Variants in PTPRF observed in about 807,000 individuals in gnomAD.
PTPRF encodes receptor-type tyrosine-protein phosphatase F.
In PTPRF, 59 loss-of-function variants were observed where a neutral mutation model predicts 201.8. The ratio of observed to expected loss-of-function variants is 0.29; its 90% confidence interval spans 0.24 to 0.36. PTPRF has a LOEUF of 0.36. PTPRF is among the 10% of genes least tolerant of loss of function. PTPRF has a pLI of 1.00. For synonymous variants in PTPRF, 1,088 were observed against 1,089.7 expected, an observed-to-expected ratio of 1.00 and a Z score of 0.03; for missense variants, 2,132 against 2,690.5, an observed-to-expected ratio of 0.79 and a Z score of 4.59.
At chr1:43,607,339 C>T (rs1457737497) in intron 21 of PTPRF, among the ~76,000 whole-genome samples, 1 of 152,234 alleles carries the variant, frequency 6.6e-6, no homozygotes, top group Admixed American at 6.5e-5. Flanking sequence ...TTCCTTCTGC[C>T]ACCATTCCTG....
In PTPRF at chr1:43,622,169, G is replaced by A. The variant is rs564146178; in HGVS notation, c.*166G>A. The A allele has an allele frequency of 1.8e-5, 13 of 717,020 alleles. No individual in the cohort carries two copies. Among genetic ancestry groups the A allele is most frequent in the Non-Finnish European group, 2.6e-5 (11 of 426,808 alleles). 44.4% of individuals were successfully genotyped at this position (717,020 alleles called of 1,614,324 possible). A position where few individuals can be genotyped will look rare whatever the true frequency, so the allele number is the denominator to read the frequency against. On this transcript the variant is annotated 3_prime_UTR_variant, in exon 34 of 34. Coordinates refer to ENST00000359947, the MANE Select transcript of PTPRF (RefSeq NM_002840.5). The stretch of plus-strand genomic sequence containing the variant: ...TTCAGGAACGTTGCCACACCAATCA[G>A]AGAGCCTAGAACATCCCTGGGCAAG...
At chr1:43,524,811 T>C (rs569932893), upstream of PTPRF, among the ~76,000 whole-genome samples, 3 of 151,972 alleles carry the variant, frequency 2.0e-5, no homozygotes, top group African/African-American at 7.3e-5. Context: ...TATAAAGATG[T>C]GGCAAGGTCC....
At chr1:43,566,297 T>C (rs1358885155) in intron 5 of PTPRF, among the ~76,000 whole-genome samples, 1 of 152,236 alleles carries the variant, frequency 6.6e-6, no homozygotes, top group African/African-American at 2.4e-5. Flanking sequence ...CAGCCCCTGG[T>C]TGCCCATGTA....
In PTPRF at chr1:43,604,096, A is replaced by G. The variant is rs942033991; in HGVS notation, c.2944A>G (p.Thr982Ala). The G allele has an allele frequency of 1.4e-5, 22 of 1,614,110 alleles. No individual in the cohort carries two copies. The East Asian group carries it at 2.9e-4, about 21-fold the overall frequency. ...RFTLTGLKPD[T>A]TYDIKVRAWT... ...TACCCTTACTGGCCTCAAGCCAGAC[A>G]CCACTTACGACATCAAGGTCCGCGC... The change falls in exon 16 of 34, where the codon ACC becomes GCC. Residue 982 changes from threonine (T) to alanine (A), a missense_variant. Thr to Ala is a moderately conservative substitution (Grantham distance 58). Around this residue, in one of 6 missense-constraint regions of PTPRF, gnomAD observed 818 missense variants for 915.3 expected, o/e 0.89. Transcript: ENST00000359947.
intron 30 of PTPRF, 67 bp downstream of exon 30, chr1:43,620,288 C>G (rs1298824056): frequency 1.3e-6 from 2 of 1,593,566 alleles, no homozygotes; most frequent in Non-Finnish European, 1.7e-6. Context: ...CTTGGGGGAG[C>G]TGCCGCCTAT....
At chr1:43,569,357 C>T (rs1646414873) in intron 5 of PTPRF, among the ~76,000 whole-genome samples, 2 of 152,152 alleles carry the variant, frequency 1.3e-5, no homozygotes, top group African/African-American at 4.8e-5. Flanking sequence ...GCCTCTCAGA[C>T]CTGGAAACTC....
At chr1:43,544,616 T>C in intron 2 of PTPRF, among the ~76,000 whole-genome samples, 1 of 152,186 alleles carries the variant, frequency 6.6e-6, no homozygotes, top group Admixed American at 6.5e-5. Context: ...CTGTCTTGTC[T>C]CTCTGTCCTC....
In PTPRF at chr1:43,591,230, C is replaced by A; in HGVS notation, c.1208C>A (p.Ala403Glu). 6.3e-7 allele frequency: 1 copy of A among 1,599,584 alleles called. No homozygotes were observed. Among genetic ancestry groups the A allele is most frequent in the Non-Finnish European group, 8.5e-7 (1 of 1,173,524 alleles). Residue 403 changes from alanine (A) to glutamate (E), a missense_variant, in exon 9 of 34, where the codon GCA becomes GAA. Ala to Glu is a moderately radical substitution (Grantham distance 107). Around this residue, in one of 6 missense-constraint regions of PTPRF, gnomAD observed 351 missense variants for 401.7 expected, o/e 0.87. Coordinates refer to ENST00000359947, the MANE Select transcript of PTPRF (RefSeq NM_002840.5). ...NSIGRGPPSE[A>E]VRARTGEQAP... ...ATCGGGCGAGGGCCGCCCAGCGAGG[C>A]AGTGCGGGCACGCACGGGAGAACAG...
At position 43,604,066 on chromosome 1, in the gene PTPRF, C is replaced by T. The variant is rs150944733; in HGVS notation, c.2914C>T (p.Arg972Cys). ...QELQNITTDT[R>C]FTLTGLKPDT... Reference sequence around the variant, plus strand: ...GCTGCAGAACATCACGACAGACACCCGCTTTACCCTTACTGGCCTCAAGCC... The same window carrying T: ...GCTGCAGAACATCACGACAGACACCTGCTTTACCCTTACTGGCCTCAAGCC... Residue 972 changes from arginine to cysteine, a missense_variant, in exon 16 of 34, where the codon CGC (arginine) becomes TGC (cysteine). Physicochemically the swap from Arg to Cys is radical, Grantham distance 180. This residue lies in a region of PTPRF where 818 missense variants were observed against 915.3 expected (regional missense o/e 0.89). Coordinates refer to ENST00000359947, the MANE Select transcript of PTPRF (RefSeq NM_002840.5). The T allele has an allele frequency of 8.6e-5, 139 of 1,614,216 alleles. No individual in the cohort carries two copies. Among genetic ancestry groups the T allele is most frequent in the Middle Eastern group, 1.6e-4 (1 of 6,062 alleles).
At chr1:43,612,810 CA>C in intron 22 of PTPRF, 1 of 1,364,342 alleles carries the variant, frequency 7.3e-7, no homozygotes. Flanking sequence ...AGTTAGTTTT[CA>C]AAGTTCCCGT....
Position 43,621,079 on chromosome 1 carries a change from A to G in PTPRF, c.5520-18A>G. 6.2e-7 allele frequency: 1 copy of G among 1,613,198 alleles called. No individual in the cohort carries two copies. The highest frequency in any genetic ancestry group is 8.5e-7 in the Non-Finnish European group (1 of 1,179,290). ...ATGAGGCAAGCAGGACTCCTGACCCAACTGTGTTTCTGAGCAGTGCTGGCG... is the reference window on the plus strand; with the variant it reads ...ATGAGGCAAGCAGGACTCCTGACCCGACTGTGTTTCTGAGCAGTGCTGGCG... On this transcript the variant is annotated intron_variant, in intron 32 of 33. Transcript: ENST00000359947.
rs778111018 is a variant in PTPRF, at chr1:43,603,645, G to C, written c.2493G>C (p.Thr831=). 5.6e-6 allele frequency: 9 copies of C among 1,613,422 alleles called. No individual in the cohort carries two copies. The highest frequency in any genetic ancestry group is 7.6e-6 in the Non-Finnish European group (9 of 1,179,902). ...GGCCCACCATGATGATCAGCACCAC[G>C]GCCATGAACACTGCGCTGCTCCAGT... ...PGRPTMMIST[T]AMNTALLQWH... Residue 831 remains threonine (T), a synonymous_variant, in exon 16 of 34, where the codon ACG becomes ACC. Transcript: ENST00000359947. The surrounding 1 kb of genome is among the most constrained non-coding windows in gnomAD (Gnocchi z 5.8).
chr1:43,607,591 A>C (rs1404481541), intron 21 of PTPRF, among the ~76,000 whole-genome samples: 1 of 152,184 alleles, frequency 6.6e-6, no homozygotes, highest in Non-Finnish European at 1.5e-5. Flanking sequence ...CCAAAGATTT[A>C]ACTTTGTCAC....
intron 19 of PTPRF, among the ~76,000 whole-genome samples, chr1:43,605,940 C>T (rs1281864057): frequency 6.6e-6 from 1 of 152,196 alleles, no homozygotes; most frequent in African/African-American, 2.4e-5. Context: ...GCTTAGTGAG[C>T]CTTATAGCCA....
intron 1 of PTPRF, among the ~76,000 whole-genome samples, chr1:43,533,140 TTC>T (rs1377244850): frequency 6.6e-6 from 1 of 152,222 alleles, no homozygotes; most frequent in African/African-American, 2.4e-5. Flanking sequence ...TCTTCCCTCT[TTC>T]TTTCCTTTAA....
chr1:43,591,645 C>T (rs2154013035), intron 9 of PTPRF, 92 bp downstream of exon 9: 1 of 1,443,560 alleles, frequency 6.9e-7, no homozygotes, highest in Non-Finnish European at 9.3e-7. Flanking sequence ...GGCTGTGAGG[C>T]TGGGGGCTCT....
intron 11 of PTPRF, among the ~76,000 whole-genome samples, chr1:43,595,364 C>T (rs1651997854): frequency 6.6e-6 from 1 of 151,998 alleles, no homozygotes; most frequent in Non-Finnish European, 1.5e-5. Context: ...ATAGGCGTGC[C>T]CGCCACCACA....
intron 11 of PTPRF, among the ~76,000 whole-genome samples, chr1:43,596,116 TG>T (rs751452186): frequency 6.6e-6 from 1 of 151,902 alleles, no homozygotes; most frequent in Non-Finnish European, 1.5e-5. Context: ...GTGTGGTAGG[TG>T]GTAGACCGTG....
chr1:43,570,358 G>T (rs1477381343), intron 6 of PTPRF, among the ~76,000 whole-genome samples: 1 of 152,240 alleles, frequency 6.6e-6, no homozygotes, highest in Non-Finnish European at 1.5e-5. Context: ...TGATCGATCT[G>T]CCTGTGAGGC....
Sources: allele counts gnomAD v4.1 joint callset (sites outside exome capture counted in the v4.1 genomes callset), GRCh38; gene constraint gnomAD v4.1.1; regional missense constraint gnomAD v4.1.1; non-coding constraint Gnocchi (gnomAD v3.1); transcripts MANE v1.5; gene names NCBI Gene and HGNC (gene_info 2026-07-23, HGNC 2026-07-21).